LRRC7: variants seen among roughly 807,000 people sequenced by gnomAD.
LRRC7 encodes leucine rich repeat containing 7.
LRRC7 carries 23 observed loss-of-function variants against 175.7 expected under a neutral mutation model. The observed-to-expected ratio is 0.13, with a 90% CI of 0.09 to 0.19. The LOEUF is 0.19. Ranked by LOEUF, LRRC7 falls within the 10% of genes least tolerant of loss-of-function variation. The pLI is 1.00. For missense variants in LRRC7, 1,354 were observed against 1,904.7 expected (o/e 0.71, Z 5.38); for synonymous variants, 685 against 680.9 (o/e 1.01, Z -0.09).
chr1:69,927,034 C>T (rs939316535), intron 7 of LRRC7, among the ~76,000 whole-genome samples: 2 of 152,174 alleles, frequency 1.3e-5, no homozygotes, highest in South Asian at 2.1e-4. Context: ...ATTTGCTTGT[C>T]TGTAAAGTAT....
Position 70,108,986 on chromosome 1 carries a change from G to A in LRRC7, c.4620+1160G>A, listed in dbSNP as rs546648575. ...TTTTTTGTTGTTGTTGTTTGGTGGT[G>A]GTGTTTTGTTCTGTTGTTGTTGTTG... On this transcript the variant is annotated intron_variant, in intron 26 of 26. Coordinates refer to ENST00000651989, the MANE Select transcript of LRRC7 (RefSeq NM_001370785.2). Among the ~76,000 whole-genome samples the A allele has an allele frequency of 2.0e-5, 3 of 151,926 alleles. No homozygotes were observed. The East Asian group carries it at 5.8e-4, about 29-fold the overall frequency.
At chr1:70,008,732 G>A (rs1656212260) in intron 11 of LRRC7, among the ~76,000 whole-genome samples, 1 of 152,158 alleles carries the variant, frequency 6.6e-6, no homozygotes, top group Non-Finnish European at 1.5e-5. Context: ...TAGTTGTAGT[G>A]CTTTAATGGT....
intron 4 of LRRC7, among the ~76,000 whole-genome samples, chr1:69,816,373 A>T (rs1339767432): frequency 6.6e-6 from 1 of 152,162 alleles, no homozygotes; most frequent in African/African-American, 2.4e-5. Context: ...TTAAAAACGT[A>T]TCACCTTGGG....
chr1:69,702,492 CT>C (rs1024843330), intron 2 of LRRC7, among the ~76,000 whole-genome samples: 2 of 152,086 alleles, frequency 1.3e-5, no homozygotes, highest in Non-Finnish European at 2.9e-5. Flanking sequence ...ATTTTTAAGC[CT>C]TTTCTGAGGC....
chr1:69,651,436 T>A (rs1334304725), intron 1 of LRRC7, among the ~76,000 whole-genome samples: 4 of 152,216 alleles, frequency 2.6e-5, no homozygotes, highest in Non-Finnish European at 4.4e-5. Context: ...CATTTTGTCT[T>A]GCTGTATCTA....
chr1:69,806,422 A>G (rs1677122701), intron 4 of LRRC7, among the ~76,000 whole-genome samples: 1 of 151,678 alleles, frequency 6.6e-6, no homozygotes, highest in South Asian at 2.1e-4. Context: ...ACTCCTCAAA[A>G]TTTTCCTCAG....
chr1:69,972,013 A>G (rs1227027556), intron 8 of LRRC7, among the ~76,000 whole-genome samples: 1 of 152,178 alleles, frequency 6.6e-6, no homozygotes, highest in Non-Finnish European at 1.5e-5. Flanking sequence ...ACAAAAAGGT[A>G]AAGTGGAGAA....
At chr1:69,702,537 C>A (rs1663494770) in intron 2 of LRRC7, among the ~76,000 whole-genome samples, 1 of 151,900 alleles carries the variant, frequency 6.6e-6, no homozygotes, top group South Asian at 2.1e-4. Context: ...TCTCTTTGGC[C>A]AAACTCTTAA....
chr1:69,923,459 C>A (rs1012270247), intron 7 of LRRC7, among the ~76,000 whole-genome samples: 3 of 150,824 alleles, frequency 2.0e-5, no homozygotes, highest in Non-Finnish European at 4.5e-5. Context: ...TCCTATTTCT[C>A]CACATCCTCT....
chr1:69,904,658 T>C (rs1218717286), intron 7 of LRRC7, among the ~76,000 whole-genome samples: 1 of 152,206 alleles, frequency 6.6e-6, no homozygotes, highest in African/African-American at 2.4e-5. Context: ...CCTGATCTTT[T>C]TGTTTTTTTA....
chr1:69,627,421 G>T lies in LRRC7; in HGVS notation c.3-50960G>T, dbSNP rs991407983. Among the ~76,000 whole-genome samples, 3 of 152,238 alleles carry T rather than the reference G, an allele frequency of 2.0e-5. No homozygotes were observed. The East Asian group carries it at 5.8e-4, about 29-fold the overall frequency. On this transcript the variant is annotated intron_variant, in intron 1 of 26. Transcript: ENST00000651989. ...CCTTCGCCCACTTTTTGATGGGGTT[G>T]TTTGATTTTTTCTTTTAAATTTGTT...
chr1:70,089,591 T>C (rs565909901), intron 24 of LRRC7, 136 bp from the exon 25 acceptor site: 8 of 556,040 alleles, frequency 1.4e-5, no homozygotes, highest in Non-Finnish European at 2.5e-5. Context: ...TTATATTGTC[T>C]TTTGTGTATC....
At chr1:69,943,272 A>G (rs1261509349) in intron 8 of LRRC7, among the ~76,000 whole-genome samples, 1 of 151,984 alleles carries the variant, frequency 6.6e-6, no homozygotes, top group African/African-American at 2.4e-5. Flanking sequence ...TTCAGCAACG[A>G]AAAAAAATGA....
chr1:69,735,461 G>A (rs1668009279), intron 2 of LRRC7, among the ~76,000 whole-genome samples: 1 of 151,970 alleles, frequency 6.6e-6, no homozygotes. Context: ...TAGATTGTTG[G>A]TGCTTGTGCT....
chr1:69,861,329 A>G (rs1171155929), intron 7 of LRRC7, among the ~76,000 whole-genome samples: 3 of 152,184 alleles, frequency 2.0e-5, no homozygotes, highest in Non-Finnish European at 4.4e-5. Context: ...AATTCAGCAA[A>G]TGGTATTCTT....
intron 2 of LRRC7, among the ~76,000 whole-genome samples, chr1:69,694,329 A>G (rs2100669579): frequency 6.6e-6 from 1 of 152,238 alleles, no homozygotes; most frequent in Non-Finnish European, 1.5e-5. Context: ...TTTCCTGGAC[A>G]TTTGATATAG....
chr1:69,879,212 T>TCAAAAA (rs1686324659), intron 7 of LRRC7, among the ~76,000 whole-genome samples: 1 of 91,960 alleles, frequency 1.1e-5, no homozygotes, highest in African/African-American at 5.2e-5. Flanking sequence ...AAAACTGCTT[T>TCAAAAA]AAAAAAAAAA....
intron 7 of LRRC7, among the ~76,000 whole-genome samples, chr1:69,902,419 A>G (rs1646161073): frequency 6.6e-6 from 1 of 152,028 alleles, no homozygotes; most frequent in African/African-American, 2.4e-5. Context: ...AACAATACAA[A>G]AATTAGCCAG....
At chr1:70,037,035 A>C (rs1271734716) in intron 20 of LRRC7, among the ~76,000 whole-genome samples, 1 of 152,138 alleles carries the variant, frequency 6.6e-6, no homozygotes, top group East Asian at 1.9e-4. Context: ...TCGTCATCAT[A>C]ATTTTATCAC....
Sources: allele counts gnomAD v4.1 joint callset (sites outside exome capture counted in the v4.1 genomes callset), GRCh38; gene constraint gnomAD v4.1.1; transcripts MANE v1.5; gene names NCBI Gene and HGNC (gene_info 2026-07-23, HGNC 2026-07-21).